The following TRHDE variants were observed in gnomAD, a reference collection of about 807,000 sequenced individuals.
TRHDE encodes thyrotropin releasing hormone degrading enzyme.
A neutral mutation model predicts 125.7 loss-of-function variants in TRHDE; 72 were observed. The ratio of observed to expected loss-of-function variants is 0.57; its 90% CI spans 0.47 to 0.70. TRHDE has a LOEUF of 0.70. Ranked by LOEUF, TRHDE falls within the 30% of genes least tolerant of loss-of-function variation. The probability of loss-of-function intolerance (pLI) is 0.00; values close to 1 mark genes in which losing one functional copy is unlikely to be tolerated. For missense variants in TRHDE, 1,110 were observed against 1,327.1 expected (o/e 0.84, Z 2.54); for synonymous variants, 509 against 509.1 (o/e 1.00, Z 0.00).
intron 2 of TRHDE, among the ~76,000 whole-genome samples, chr12:72,349,930 C>T (rs2135739115): frequency 6.6e-6 from 1 of 152,034 alleles, no homozygotes; most frequent in South Asian, 2.1e-4. Context: ...ATATGCTTGT[C>T]CTTACATAGA....
chr12:72,148,309 C>G (rs773769259), intron 2 of TRHDE, among the ~76,000 whole-genome samples: 1 of 152,188 alleles, frequency 6.6e-6, no homozygotes, highest in Non-Finnish European at 1.5e-5. Flanking sequence ...TTCCAAGGCA[C>G]TAGTTGAAAT....
chr12:72,457,797 T>G (rs7132719), intron 3 of TRHDE, among the ~76,000 whole-genome samples: 6,105 of 152,258 alleles, frequency 0.04, 445 homozygotes, highest in African/African-American at 0.14. Flanking sequence ...AGGTAACCAC[T>G]TCATACTCAC....
At chr12:72,596,141 A>G (rs1871929936) in intron 12 of TRHDE, among the ~76,000 whole-genome samples, 1 of 152,116 alleles carries the variant, frequency 6.6e-6, no homozygotes, top group Non-Finnish European at 1.5e-5. Context: ...TTGGTAAGAA[A>G]TATCATTGTA....
intron 2 of TRHDE, among the ~76,000 whole-genome samples, chr12:72,239,698 A>C (rs1389691973): frequency 6.6e-6 from 1 of 152,204 alleles, no homozygotes; most frequent in Non-Finnish European, 1.5e-5. Flanking sequence ...AGCAGGTTTT[A>C]GGGGAACTAT....
chr12:72,173,654 A>G (rs1876925499), intron 2 of TRHDE, among the ~76,000 whole-genome samples: 2 of 152,304 alleles, frequency 1.3e-5, no homozygotes, highest in Admixed American at 1.3e-4. Flanking sequence ...GGATTTTATT[A>G]TGAAATAATT....
intron 3 of TRHDE, among the ~76,000 whole-genome samples, chr12:72,432,291 G>A (rs1284818626): frequency 1.3e-5 from 2 of 152,128 alleles, no homozygotes; most frequent in African/African-American, 4.8e-5. Flanking sequence ...CAAGAAGCTG[G>A]AGCTGCTTGC....
chr12:72,220,060 T>C (rs1310178022), intron 2 of TRHDE, among the ~76,000 whole-genome samples: 1 of 152,158 alleles, frequency 6.6e-6, no homozygotes, highest in Non-Finnish European at 1.5e-5. Context: ...CACAGGCTTT[T>C]GAAGGAGTAC....
intron 6 of TRHDE, among the ~76,000 whole-genome samples, chr12:72,521,137 G>T (rs1879175391): frequency 6.6e-6 from 1 of 152,134 alleles, no homozygotes; most frequent in Non-Finnish European, 1.5e-5. Flanking sequence ...TACTATACAT[G>T]TATCCAAATA....
chr12:72,457,476 T>C (rs936591229), intron 3 of TRHDE, among the ~76,000 whole-genome samples: 1 of 152,166 alleles, frequency 6.6e-6, no homozygotes, highest in East Asian at 1.9e-4. Flanking sequence ...ATCCATTCAT[T>C]GTTTAGATGC....
At chr12:72,550,274 A>T (rs1185941115) in intron 7 of TRHDE, among the ~76,000 whole-genome samples, 4 of 151,950 alleles carry the variant, frequency 2.6e-5, no homozygotes, top group Non-Finnish European at 2.9e-5. Context: ...GTAATTATGG[A>T]CATACCTGCT....
intron 1 of TRHDE, among the ~76,000 whole-genome samples, chr12:72,278,335 T>C (rs1011064270): frequency 6.6e-6 from 1 of 152,182 alleles, no homozygotes; most frequent in Non-Finnish European, 1.5e-5. Context: ...ATCCATCCAT[T>C]CATTGATGAA....
At chr12:72,547,226 G>A (rs575677605) in intron 7 of TRHDE, among the ~76,000 whole-genome samples, 31 of 150,986 alleles carry the variant, frequency 2.1e-4, no homozygotes, top group Admixed American at 4.0e-4. Flanking sequence ...ATTGTATTAA[G>A]ACCATATGAT....
intron 5 of TRHDE, among the ~76,000 whole-genome samples, chr12:72,486,107 C>T (rs909807325): frequency 6.6e-6 from 1 of 152,094 alleles, no homozygotes; most frequent in Non-Finnish European, 1.5e-5. Context: ...AACCTATTTT[C>T]CCCCAGAGAC....
chr12:72,395,601 GATATA>G (rs1307913780), intron 3 of TRHDE, among the ~76,000 whole-genome samples: 1 of 151,968 alleles, frequency 6.6e-6, no homozygotes, highest in Non-Finnish European at 1.5e-5. Context: ...CAGGTTAGAT[GATATA>G]ATATATCATT....
intron 5 of TRHDE, among the ~76,000 whole-genome samples, chr12:72,484,588 A>C (rs1877318104): frequency 6.6e-6 from 1 of 152,214 alleles, no homozygotes; most frequent in African/African-American, 2.4e-5. Context: ...GCCAAAAATT[A>C]ACAGAAAATT....
At position 72,314,307 on chromosome 12, in the gene TRHDE, T is replaced by C. The variant is rs146632493; in HGVS notation, c.1188+27353T>C. Among the ~76,000 whole-genome samples, 778 of 151,604 alleles carry C rather than the reference T, an allele frequency of 5.1e-3. 2 individuals carry two copies. The highest frequency in any genetic ancestry group is 0.018 in the African/African-American group (735 of 41,306). On this transcript the variant is annotated intron_variant, in intron 2 of 18. Transcript: ENST00000261180. ...TCTTTTCTTTTCTTTCTTTCTTTTCTATCTCCTCCCTTCCTCCCTCCCTCC... is the reference window on the plus strand; with the variant it reads ...TCTTTTCTTTTCTTTCTTTCTTTTCCATCTCCTCCCTTCCTCCCTCCCTCC...
intron 2 of TRHDE, among the ~76,000 whole-genome samples, chr12:72,224,656 G>C (rs1011364002): frequency 2.6e-5 from 4 of 151,988 alleles, no homozygotes; most frequent in African/African-American, 9.7e-5. Flanking sequence ...GGTTCCCCTG[G>C]ATTGCCATTA....
chr12:72,344,893 C>T (rs1363727443), intron 2 of TRHDE, among the ~76,000 whole-genome samples: 3 of 151,992 alleles, frequency 2.0e-5, no homozygotes, highest in African/African-American at 7.2e-5. Flanking sequence ...GCATGGTCCA[C>T]ACTTGAGAGG....
chr12:72,247,342 AG>A (rs1367580673), intron 2 of TRHDE, among the ~76,000 whole-genome samples: 4 of 152,124 alleles, frequency 2.6e-5, no homozygotes, highest in Non-Finnish European at 5.9e-5. Context: ...ATGGATATGG[AG>A]GGCTGACTGT....
Sources: gnomAD v4.1 joint callset for allele counts (sites outside exome capture counted in the v4.1 genomes callset) on GRCh38, gnomAD v4.1.1 for gene constraint, MANE v1.5 for transcripts, NCBI Gene and HGNC (gene_info 2026-07-23, HGNC 2026-07-21) for gene names.